The following DISP1 variants were observed in gnomAD, a reference collection of about 807,000 sequenced individuals.
DISP1 encodes dispatched RND transporter family member 1.
DISP1 carries 30 observed loss-of-function variants against 37.3 expected under a neutral mutation model. The ratio of observed to expected loss-of-function variants is 0.80; its 90% confidence interval spans 0.60 to 1.09. The LOEUF (loss-of-function observed/expected upper bound fraction) is 1.09, where lower values mean the gene tolerates loss of function less well. DISP1 is among the 50% of genes least tolerant of loss of function. DISP1 has a pLI of 0.00. For synonymous variants in DISP1, 634 were observed against 690.2 expected (o/e 0.92, Z 1.28); for missense variants, 1,598 against 1,879.5 (o/e 0.85, Z 2.77).
intron 1 of DISP1, among the ~76,000 whole-genome samples, chr1:222,838,462 T>A (rs1667385084): frequency 6.6e-6 from 1 of 152,226 alleles, no homozygotes; most frequent in Non-Finnish European, 1.5e-5. Flanking sequence ...TATTTTTTAA[T>A]TTACTGCTCT....
At chr1:222,880,758 C>A (rs909018764) in intron 1 of DISP1, among the ~76,000 whole-genome samples, 1 of 152,072 alleles carries the variant, frequency 6.6e-6, no homozygotes, top group African/African-American at 2.4e-5. Context: ...GGTGGTTAGT[C>A]ATCTTAAAAT....
intron 7 of DISP1, among the ~76,000 whole-genome samples, chr1:222,992,923 G>T (rs147703043): frequency 6.9e-6 from 1 of 144,360 alleles, no homozygotes; most frequent in Non-Finnish European, 1.5e-5. Context: ...GTACAATGGC[G>T]CAATCTTGTC....
chr1:222,957,370 C>G (rs1002580672), intron 3 of DISP1, among the ~76,000 whole-genome samples: 17 of 152,094 alleles, frequency 1.1e-4, no homozygotes, highest in African/African-American at 4.1e-4. Context: ...GGATGGATCA[C>G]TTGAGGTCAG....
At chr1:222,925,870 G>C (rs992681222) in intron 1 of DISP1, among the ~76,000 whole-genome samples, 5 of 152,140 alleles carry the variant, frequency 3.3e-5, no homozygotes, top group African/African-American at 1.2e-4. Flanking sequence ...CTCAAGTTAA[G>C]AACCACTGGT....
chr1:222,823,346 T>C (rs559157994), intron 1 of DISP1, among the ~76,000 whole-genome samples: 39 of 152,258 alleles, frequency 2.6e-4, no homozygotes, highest in Admixed American at 4.6e-4. Context: ...ACACGAATAC[T>C]GTGCAGCTTA....
chr1:222,984,508 C>T (rs1678126232), intron 4 of DISP1, among the ~76,000 whole-genome samples: 1 of 139,094 alleles, frequency 7.2e-6, no homozygotes, highest in African/African-American at 2.7e-5. Context: ...TTATATATAA[C>T]ATAGGTTTAT....
intron 1 of DISP1, among the ~76,000 whole-genome samples, chr1:222,821,878 CAAAA>C (rs35160286): frequency 4.1e-5 from 3 of 73,586 alleles, no homozygotes; most frequent in African/African-American, 1.1e-4. Context: ...GACTCCATCT[CAAAA>C]AAAAAAAAAA....
chr1:222,946,928 C>T (rs1032621617), intron 3 of DISP1, among the ~76,000 whole-genome samples: 1 of 152,100 alleles, frequency 6.6e-6, no homozygotes, highest in African/African-American at 2.4e-5. Context: ...TATTGTGAAC[C>T]ACATTAAGGC....
At chr1:222,972,521 C>A (rs1474324107) in intron 3 of DISP1, among the ~76,000 whole-genome samples, 1 of 152,176 alleles carries the variant, frequency 6.6e-6, no homozygotes, top group Non-Finnish European at 1.5e-5. Context: ...CCTCAAACAA[C>A]CCCTAATCCA....
At chr1:222,819,562 C>T (rs1662252187) in intron 1 of DISP1, among the ~76,000 whole-genome samples, 1 of 129,906 alleles carries the variant, frequency 7.7e-6, no homozygotes, top group Non-Finnish European at 1.6e-5. Flanking sequence ...TTTTTTGACA[C>T]AGTGTCTCGC....
chr1:222,939,389 G>T lies in DISP1; in HGVS notation c.-17-3418G>T, dbSNP rs570108519. ...TTTTTTTTTTTTTTTTTTTACTGAG[G>T]ATAAGCAGATTTAATTAGAAGATAG... On this transcript the variant is annotated intron_variant, in intron 2 of 8. Transcript: ENST00000675850. Among the ~76,000 whole-genome samples, 10 of 134,400 alleles carry T rather than the reference G, an allele frequency of 7.4e-5. No individual in the cohort carries two copies. The South Asian group carries it at 2.3e-3, about 31-fold the overall frequency. 88.2% of individuals were successfully genotyped at this position (134,400 alleles called of 152,430 possible). A position where few individuals can be genotyped will look rare whatever the true frequency, so the allele number is the denominator to read the frequency against.
At chr1:222,874,993 A>G (rs1247569566) in intron 1 of DISP1, among the ~76,000 whole-genome samples, 1 of 152,146 alleles carries the variant, frequency 6.6e-6, no homozygotes, top group African/African-American at 2.4e-5. Flanking sequence ...TGAAAATTAG[A>G]TAGTTATCAG....
rs140975186 is a variant in DISP1, at chr1:223,004,526, G to A, written c.3129G>A (p.Ser1043=). The stretch of plus-strand genomic sequence containing the variant: ...ATGTGTTGGAATCTGTCACCATTTC[G>A]GTTGCCGTCGGCTTGTCTGTAGACT... ...ELNVLESVTI[S]VAVGLSVDFA... is the part of the protein sequence containing the mutation. The change falls in exon 9 of 9, where the codon TCG becomes TCA. Residue 1043 remains serine (S), a synonymous_variant. Transcript: ENST00000675850. The surrounding 1 kb of genome is among the most constrained non-coding windows in gnomAD (Gnocchi z 4.9). The A allele has an allele frequency of 3.7e-5, 59 of 1,614,032 alleles. 1 individual carries two copies. Among genetic ancestry groups the A allele is most frequent in the Middle Eastern group, 3.3e-4 (2 of 6,084 alleles).
intron 1 of DISP1, among the ~76,000 whole-genome samples, chr1:222,904,960 C>G (rs1030711377): frequency 6.6e-6 from 1 of 152,198 alleles, no homozygotes; most frequent in Non-Finnish European, 1.5e-5. Context: ...GACATAAAAA[C>G]TACTCATGCT....
At chr1:222,959,976 A>C (rs28834670) in intron 3 of DISP1, among the ~76,000 whole-genome samples, 9,218 of 152,222 alleles carry the variant, frequency 0.061, 973 homozygotes, top group African/African-American at 0.21. Flanking sequence ...CCAGATTCAT[A>C]AAACAAGTTC....
chr1:222,822,899 C>A (rs1236566773), intron 1 of DISP1, among the ~76,000 whole-genome samples: 2 of 152,216 alleles, frequency 1.3e-5, no homozygotes, highest in East Asian at 1.9e-4. Flanking sequence ...GCATTAAAAT[C>A]ATCAATTTCT....
chr1:222,994,182 C>T (rs1417868579), intron 7 of DISP1, among the ~76,000 whole-genome samples: 1 of 152,042 alleles, frequency 6.6e-6, no homozygotes, highest in Admixed American at 6.5e-5. Context: ...AATGAAGAAC[C>T]AAGGCTCAGA....
intron 3 of DISP1, among the ~76,000 whole-genome samples, chr1:222,977,984 C>T (rs1421437048): frequency 6.6e-6 from 1 of 152,000 alleles, no homozygotes; most frequent in Non-Finnish European, 1.5e-5. Context: ...TGAATAGTGC[C>T]ACAATAAACA....
chr1:222,906,318 G>A (rs1045650040), intron 1 of DISP1, among the ~76,000 whole-genome samples: 5 of 152,116 alleles, frequency 3.3e-5, no homozygotes, highest in South Asian at 4.2e-4. Context: ...GTGCTTTGGG[G>A]GAACTTTTTC....
Sources: gnomAD v4.1 joint callset for allele counts (sites outside exome capture counted in the v4.1 genomes callset) on GRCh38, gnomAD v4.1.1 for gene constraint, Gnocchi (gnomAD v3.1) non-coding constraint, MANE v1.5 for transcripts, NCBI Gene and HGNC (gene_info 2026-07-23, HGNC 2026-07-21) for gene names.